Variants in SLC7A6OS observed in about 807,000 individuals in gnomAD.
SLC7A6OS encodes probable RNA polymerase II nuclear localization protein SLC7A6OS.
SLC7A6OS carries 22 observed loss-of-function variants against 34.3 expected under a neutral mutation model. That is an observed-to-expected ratio of 0.64 (90% CI 0.46 to 0.92). The LOEUF (loss-of-function observed/expected upper bound fraction) is 0.92. SLC7A6OS is among the 40% of genes least tolerant of loss of function. The probability of loss-of-function intolerance (pLI) is 0.00; values close to 1 mark genes in which losing one functional copy is unlikely to be tolerated. For synonymous variants in SLC7A6OS, 199 were observed against 165.0 expected, an observed-to-expected ratio of 1.21 and a Z score of -1.58; for missense variants, 434 against 407.7, an observed-to-expected ratio of 1.06 and a Z score of -0.56.
Position 68,307,675 on chromosome 16 carries a change from C to T in SLC7A6OS, c.471+2660G>A, listed in dbSNP as rs551117420. 2.8e-3 allele frequency among the ~76,000 whole-genome samples: 421 copies of T among 152,190 alleles called. 1 individual carries two copies. The highest frequency in any genetic ancestry group is 9.1e-3 in the African/African-American group (378 of 41,470). On this transcript the variant is annotated intron_variant, in intron 2 of 4. Coordinates refer to ENST00000263997, the MANE Select transcript of SLC7A6OS (RefSeq NM_032178.3). ...AATTTTATTCCTACAATTGTGTACG[C>T]TTTTAATCATTGCCTTGCCAGCATT...
Position 68,304,053 on chromosome 16 carries a change from C to T in SLC7A6OS, c.651G>A (p.Val217=). 1 of 1,613,776 alleles carries T rather than the reference C, an allele frequency of 6.2e-7. No homozygotes were observed. The highest frequency in any genetic ancestry group is 8.5e-7 in the Non-Finnish European group (1 of 1,179,908). The change falls in exon 3 of 5, where the codon GTG becomes GTA. Residue 217 remains valine, a synonymous_variant. Coordinates refer to ENST00000263997, the MANE Select transcript of SLC7A6OS (RefSeq NM_032178.3). ...GCTCCCATTCTTGGCTGTAGGGCTG[C>T]ACGGAGAGGATGTTCTCAATCCAGC... is the stretch of plus-strand genomic sequence containing the variant. The part of the protein sequence containing the change: ...TPGWIENILS[V]QPYSQEWELV...
rs768216042 is a variant in SLC7A6OS, at chr16:68,310,474, G to T, written c.332C>A (p.Ser111Tyr). 1.9e-5 allele frequency: 30 copies of T among 1,597,852 alleles called. No individual in the cohort carries two copies. The Admixed American group carries it at 4.2e-4, about 22-fold the overall frequency. The change falls in exon 2 of 5, where the codon TCC becomes TAC. Residue 111 changes from serine to tyrosine, a missense_variant. Coordinates refer to ENST00000263997, the MANE Select transcript of SLC7A6OS (RefSeq NM_032178.3). ...GRYRVLSSRR[S>Y]LGTTSSGQES... ...CTGGCCGCTCGAGGTGGTCCCCAAGGATCGGCGGCTGGAAAGCACCCGGTA... is the reference window on the plus strand; with the variant it reads ...CTGGCCGCTCGAGGTGGTCCCCAAGTATCGGCGGCTGGAAAGCACCCGGTA...
At chr16:68,301,594 G>A in intron 4 of SLC7A6OS, 189 bp from the exon 5 acceptor site, 1 of 457,512 alleles carries the variant, frequency 2.2e-6, no homozygotes, top group Non-Finnish European at 3.8e-6. Flanking sequence ...TCTAAACCAA[G>A]TTCCTTCACA....
chr16:68,303,522 G>A (rs1597021397), intron 3 of SLC7A6OS, among the ~76,000 whole-genome samples: 1 of 151,648 alleles, frequency 6.6e-6, no homozygotes, highest in East Asian at 1.9e-4. Context: ...GATAGAGGCT[G>A]CAGTGAGCTC....
chr16:68,309,043 C>T (rs867952612), intron 2 of SLC7A6OS, among the ~76,000 whole-genome samples: 6 of 142,176 alleles, frequency 4.2e-5, no homozygotes, highest in Middle Eastern at 8.2e-3. Context: ...CAGAGTGAGA[C>T]TCTGACTCAA....
chr16:68,303,975 G>C, intron 3 of SLC7A6OS, 51 bp downstream of exon 3: 1 of 1,516,594 alleles, frequency 6.6e-7, no homozygotes, highest in Non-Finnish European at 9.1e-7. Flanking sequence ...ATTCTGATTA[G>C]ATTAAGAGCT....
Position 68,299,231 on chromosome 16 carries a change from G to A in SLC7A6OS, c.*2044C>T, listed in dbSNP as rs966483448. The A allele has an allele frequency of 3.3e-5, 5 of 152,608 alleles. No homozygotes were observed. Among genetic ancestry groups the A allele is most frequent in the Admixed American group, 6.5e-5 (1 of 15,276 alleles). 9.5% of individuals were successfully genotyped at this position (152,608 alleles called of 1,614,324 possible). On this transcript the variant is annotated 3_prime_UTR_variant, in exon 5 of 5. Transcript: ENST00000263997. ...CTGGAGCTAATCCTTTAAGCAAAAT[G>A]TGCTTGCCTTTTAAAGATCCCTGAC...
chr16:68,308,660 C>T (rs2043344187), intron 2 of SLC7A6OS, among the ~76,000 whole-genome samples: 1 of 152,152 alleles, frequency 6.6e-6, no homozygotes, highest in South Asian at 2.1e-4. Flanking sequence ...AACAATTACA[C>T]TAGTACCATT....
At chr16:68,303,617 G>T in intron 3 of SLC7A6OS, 1 of 166,692 alleles carries the variant, frequency 6.0e-6, no homozygotes, top group Non-Finnish European at 1.3e-5. Flanking sequence ...ATGTCAGGAC[G>T]TTAGCTTTCT....
At position 68,300,831 on chromosome 16, in the gene SLC7A6OS, G is replaced by C; in HGVS notation, c.*444C>G. 1.0e-6 allele frequency: 1 copy of C among 986,540 alleles called. No individual in the cohort carries two copies. Among genetic ancestry groups the C allele is most frequent in the Non-Finnish European group, 1.2e-6 (1 of 830,750 alleles). 61.1% of individuals were successfully genotyped at this position (986,540 alleles called of 1,614,324 possible). ...TCTGTATTGCTACAAGGGACCCACTGGTACCCCTTTTAGATTCTATCAAAA... is the reference window on the plus strand; with the variant it reads ...TCTGTATTGCTACAAGGGACCCACTCGTACCCCTTTTAGATTCTATCAAAA... On this transcript the variant is annotated 3_prime_UTR_variant, in exon 5 of 5. Transcript: ENST00000263997.
chr16:68,307,723 C>T (rs1312701397), intron 2 of SLC7A6OS, among the ~76,000 whole-genome samples: 1 of 152,112 alleles, frequency 6.6e-6, no homozygotes, highest in African/African-American at 2.4e-5. Context: ...TTTTTTCCTG[C>T]TAGTCTAGTA....
intron 2 of SLC7A6OS, among the ~76,000 whole-genome samples, chr16:68,308,399 G>A (rs1015470055): frequency 6.6e-5 from 10 of 151,390 alleles, no homozygotes; most frequent in African/African-American, 9.7e-5. Flanking sequence ...AGGCCGATGC[G>A]GGTGGATCAC....
At chr16:68,306,985 G>T (rs1248349830) in intron 2 of SLC7A6OS, among the ~76,000 whole-genome samples, 2 of 152,138 alleles carry the variant, frequency 1.3e-5, no homozygotes, top group South Asian at 4.1e-4. Context: ...GATTACAGGT[G>T]TGAACTACTG....
chr16:68,304,636 T>C (rs1266443024), intron 2 of SLC7A6OS, among the ~76,000 whole-genome samples: 2 of 152,146 alleles, frequency 1.3e-5, no homozygotes, highest in African/African-American at 2.4e-5. Context: ...TTCCATAGTG[T>C]TGTGGTCAAG....
Position 68,310,196 on chromosome 16 carries a change from C to T in SLC7A6OS, c.471+139G>A, listed in dbSNP as rs1355064095. On this transcript the variant is annotated intron_variant, in intron 2 of 4. Coordinates refer to ENST00000263997, the MANE Select transcript of SLC7A6OS (RefSeq NM_032178.3). ...ACGTAGTAAACACATGTTGGATGAA[C>T]AACCAAATCTGTAAAATGAGGCCGT... 8 of 991,936 alleles carry T rather than the reference C, an allele frequency of 8.1e-6. No homozygotes were observed. The Admixed American group carries it at 8.8e-5, about 11-fold the overall frequency. 61.4% of individuals were successfully genotyped at this position (991,936 alleles called of 1,614,324 possible).
intron 2 of SLC7A6OS, among the ~76,000 whole-genome samples, chr16:68,308,640 A>C (rs1032675620): frequency 6.6e-6 from 1 of 152,172 alleles, no homozygotes; most frequent in Non-Finnish European, 1.5e-5. Flanking sequence ...ACAAAACAAA[A>C]ACAACAATAA....
Position 68,304,237 on chromosome 16 carries a change from A to T in SLC7A6OS, c.472-5T>A. The stretch of plus-strand genomic sequence containing the variant: ...GATCACATCTGGGTCAGATGTCTGT[A>T]AAGAAACCACAGATTACACACACAC... On this transcript the variant is annotated splice_polypyrimidine_tract_variant and splice_region_variant and intron_variant, in intron 2 of 4. Coordinates refer to ENST00000263997, the MANE Select transcript of SLC7A6OS (RefSeq NM_032178.3). The T allele has an allele frequency of 6.2e-7, 1 of 1,613,380 alleles. No individual in the cohort carries two copies. The highest frequency in any genetic ancestry group is 8.5e-7 in the Non-Finnish European group (1 of 1,179,310).
intron 1 of SLC7A6OS, 28 bp from the exon 2 acceptor site, chr16:68,310,641 G>A: frequency 6.3e-7 from 1 of 1,583,758 alleles, no homozygotes; most frequent in Non-Finnish European, 8.6e-7. Flanking sequence ...ACGGAGGCCA[G>A]CGTAAGCAGG....
At chr16:68,303,002 G>A (rs971012023) in intron 3 of SLC7A6OS, among the ~76,000 whole-genome samples, 13 of 152,048 alleles carry the variant, frequency 8.5e-5, no homozygotes, top group Admixed American at 5.9e-4. Flanking sequence ...GGTGGCTCAC[G>A]CCTGTAATCC....
Sources: gnomAD v4.1 joint callset for allele counts (sites outside exome capture counted in the v4.1 genomes callset) on GRCh38, gnomAD v4.1.1 for gene constraint, MANE v1.5 for transcripts, NCBI Gene and HGNC (gene_info 2026-07-23, HGNC 2026-07-21) for gene names.